ALG12: variants seen among roughly 807,000 people sequenced by gnomAD.
ALG12 encodes the protein dol-P-Man:Man(7)GlcNAc(2)-PP-Dol alpha-1,6-mannosyltransferase.
In ALG12, 36 loss-of-function variants were observed where a neutral mutation model predicts 46.0. The observed-to-expected ratio is 0.78, with a 90% CI of 0.60 to 1.03. ALG12 has a LOEUF of 1.03. ALG12 is among the 50% of genes least tolerant of loss of function. The probability of loss-of-function intolerance (pLI) is 0.00; values close to 1 mark genes in which losing one functional copy is unlikely to be tolerated. For missense variants in ALG12, 599 were observed against 633.5 expected (o/e 0.95, Z 0.58); for synonymous variants, 326 against 291.6 (o/e 1.12, Z -1.20).
the ALG12 span, among the ~76,000 whole-genome samples, chr22:49,892,016 G>A: frequency 1.3e-5 from 2 of 151,704 alleles, no homozygotes; most frequent in African/African-American, 4.8e-5. Flanking sequence ...GTGAAACCCC[G>A]TCTCTACTAA....
At chr22:49,904,288 C>A in intron 8 of ALG12, 34 bp from the exon 9 acceptor site, 2 of 1,614,170 alleles carry the variant, frequency 1.2e-6, no homozygotes, top group Non-Finnish European at 1.7e-6. Flanking sequence ...AGAGCCCAGC[C>A]CTGCAGTCGG....
the ALG12 span, among the ~76,000 whole-genome samples, chr22:49,868,007 A>G: frequency 6.6e-6 from 1 of 152,216 alleles, no homozygotes; most frequent in South Asian, 2.1e-4. Context: ...AACATTCAGA[A>G]TTCAAAGTAC....
chr22:49,910,245 G>A (rs959990452), intron 4 of ALG12, among the ~76,000 whole-genome samples, 157 bp from the exon 5 acceptor site: 1 of 152,256 alleles, frequency 6.6e-6, no homozygotes, highest in Non-Finnish European at 1.5e-5. Context: ...CACCTATGCT[G>A]TTGGCCAGGA....
At chr22:49,876,699 G>A in the ALG12 span, among the ~76,000 whole-genome samples, 2 of 152,150 alleles carry the variant, frequency 1.3e-5, no homozygotes, top group Admixed American at 6.5e-5. Context: ...CGTTTACCCC[G>A]AGATAAGTTT....
At chr22:49,866,481 A>G in the ALG12 span, among the ~76,000 whole-genome samples, 1 of 151,516 alleles carries the variant, frequency 6.6e-6, no homozygotes, top group African/African-American at 2.4e-5. Context: ...TTAGGTCTTC[A>G]TTCTTGAAGT....
In ALG12 at chr22:49,904,440, C is replaced by T; in HGVS notation, c.1059G>A (p.Val353=). 1 of 1,614,146 alleles carries T rather than the reference C, an allele frequency of 6.2e-7. No homozygotes were observed. Among genetic ancestry groups the T allele is most frequent in the Non-Finnish European group, 8.5e-7 (1 of 1,180,034 alleles). Residue 353 remains valine, a synonymous_variant, in exon 8 of 10, where the codon GTG becomes GTA. Coordinates refer to ENST00000330817, the MANE Select transcript of ALG12 (RefSeq NM_024105.4). ...CCGTGGCTGAGTAGGCGGCATTCAC[C>T]ACGAGGTGTCCGATCACAAGCAGAG... is the stretch of plus-strand genomic sequence containing the variant. ...AGSLLVIGHL[V]VNAAYSATAL...
At chr22:49,917,199 G>T (rs9616206) in intron 1 of ALG12, among the ~76,000 whole-genome samples, 34,866 of 152,080 alleles carry the variant, frequency 0.23, 4,385 homozygotes, top group African/African-American at 0.34. Context: ...GGGCAGCTGG[G>T]CAGCAGCTGT....
At chr22:49,885,857 C>T in the ALG12 span, 1 of 1,430,684 alleles carries the variant, frequency 7.0e-7, no homozygotes, top group Non-Finnish European at 9.9e-7. Flanking sequence ...CACTTCACGT[C>T]TGGAATATGG....
chr22:49,910,584 C>G lies in ALG12; in HGVS notation c.319G>C (p.Val107Leu). The change falls in exon 4 of 10, where the codon GTG becomes CTG. Residue 107 changes from valine (V) to leucine (L), a missense_variant. Physicochemically the swap from Val to Leu is conservative, Grantham distance 32. Transcript: ENST00000330817. ...TGTAACGTCCAGAGTCCAAAAATCA[C>G]GCCGAGTCCAAGCACTCCTCTAACT... ...LIVRGVLGLG[V>L]IFGLWTLQKE... is the part of the protein sequence containing the mutation. The G allele has an allele frequency of 6.2e-7, 1 of 1,614,160 alleles. No individual in the cohort carries two copies. The highest frequency in any genetic ancestry group is 2.2e-5 in the East Asian group (1 of 44,892).
the ALG12 span, among the ~76,000 whole-genome samples, chr22:49,862,859 G>A: frequency 3.3e-5 from 5 of 151,732 alleles, no homozygotes; most frequent in Admixed American, 1.3e-4. Flanking sequence ...CCACCACCAC[G>A]CCTGGCTAAT....
the ALG12 span, among the ~76,000 whole-genome samples, chr22:49,865,148 T>C: frequency 7.0e-4 from 107 of 152,196 alleles, 1 homozygote; most frequent in Middle Eastern, 3.4e-3. Context: ...CCAGATGGTA[T>C]AACCTGTCAC....
chr22:49,886,270 C>A, the ALG12 span: 1 of 1,343,374 alleles, frequency 7.4e-7, no homozygotes, highest in Non-Finnish European at 1.0e-6. This position sits in a 1 kb window ranked among gnomAD's most constrained non-coding sequence, Gnocchi z 7.7. Context: ...GAAGGAGAAA[C>A]TGGCCGAGCT....
chr22:49,885,211 G>T, the ALG12 span: 3 of 1,613,528 alleles, frequency 1.9e-6, no homozygotes, highest in Non-Finnish European at 2.5e-6. Context: ...GGGCTTCCTG[G>T]GTGCAAGTCT....
At chr22:49,874,672 CTTT>C in the ALG12 span, among the ~76,000 whole-genome samples, 1 of 37,312 alleles carries the variant, frequency 2.7e-5, no homozygotes, top group Non-Finnish European at 4.4e-5. Context: ...CATGCCCAGC[CTTT>C]TTTTTTTTTT....
the ALG12 span, among the ~76,000 whole-genome samples, chr22:49,864,585 G>A: frequency 6.6e-6 from 1 of 152,176 alleles, no homozygotes. Context: ...GGGAGGTTGA[G>A]GTGGGAGGAT....
chr22:49,871,761 T>A, the ALG12 span, among the ~76,000 whole-genome samples: 9,509 of 40,748 alleles, frequency 0.23, 840 homozygotes, highest in African/African-American at 0.39. Flanking sequence ...TTATTTATTT[T>A]TTTTTTTTTT....
chr22:49,879,393 C>T, the ALG12 span, among the ~76,000 whole-genome samples: 1 of 151,970 alleles, frequency 6.6e-6, no homozygotes, highest in Admixed American at 6.6e-5. Flanking sequence ...TCCCGAAGTG[C>T]TGCGATTACA....
At chr22:49,871,100 C>T in the ALG12 span, among the ~76,000 whole-genome samples, 1 of 141,582 alleles carries the variant, frequency 7.1e-6, no homozygotes, top group African/African-American at 2.6e-5. Flanking sequence ...ACCACAATGC[C>T]TGGCTAATAT....
At chr22:49,867,310 CAT>C in the ALG12 span, among the ~76,000 whole-genome samples, 2 of 152,206 alleles carry the variant, frequency 1.3e-5, no homozygotes, top group Non-Finnish European at 2.9e-5. Context: ...TATGGGCCAG[CAT>C]GTGGTCTATA....
Sources: gnomAD v4.1 joint callset for allele counts (sites outside exome capture counted in the v4.1 genomes callset) on GRCh38, gnomAD v4.1.1 for gene constraint, Gnocchi (gnomAD v3.1) non-coding constraint, MANE v1.5 for transcripts, NCBI Gene and HGNC (gene_info 2026-07-23, HGNC 2026-07-21) for gene names.